DNAH12: variants seen among roughly 807,000 people sequenced by gnomAD.
DNAH12 encodes axonemal beta dynein heavy chain 12.
In DNAH12, 285 loss-of-function variants were observed where a neutral mutation model predicts 371.5. The observed-to-expected ratio is 0.77, with a 90% confidence interval of 0.70 to 0.85. The LOEUF is 0.85. Ranked by LOEUF, DNAH12 falls within the 40% of genes least tolerant of loss-of-function variation. The pLI is 0.00. For synonymous variants in DNAH12, 1,200 were observed against 1,213.0 expected (o/e 0.99, Z 0.22); for missense variants, 3,611 against 3,689.4 (o/e 0.98, Z 0.55).
intron 37 of DNAH12, among the ~76,000 whole-genome samples, chr3:57,418,368 A>C (rs1410953784): frequency 5.5e-5 from 2 of 36,078 alleles, no homozygotes; most frequent in Admixed American, 2.9e-4. Flanking sequence ...GTCTCTACAA[A>C]AAAAAAAAAA....
intron 62 of DNAH12, among the ~76,000 whole-genome samples, chr3:57,331,885 C>A (rs1175772076): frequency 6.6e-6 from 1 of 152,094 alleles, no homozygotes; most frequent in Non-Finnish European, 1.5e-5. Context: ...CATATCTGAT[C>A]AAATTCCTCA....
At chr3:57,464,508 C>G (rs949084001) in intron 17 of DNAH12, among the ~76,000 whole-genome samples, 16 of 152,192 alleles carry the variant, frequency 1.1e-4, no homozygotes, top group African/African-American at 3.6e-4. Context: ...GGTAAAGAAA[C>G]TCTAAGCAAA....
rs992019659 is a variant in DNAH12 at position 57,390,116 on chromosome 3, G to A, written c.7305+1756C>T. On this transcript the variant is annotated intron_variant, in intron 45 of 73. Coordinates refer to ENST00000495027, the MANE Select transcript of DNAH12 (RefSeq NM_001366028.2). ...CCCAAAGTGCTGGGATTACAGGCGT[G>A]AGCCACCGTGCCCAACTGAGAGCAC... 4.0e-4 allele frequency among the ~76,000 whole-genome samples: 59 copies of A among 148,860 alleles called. 1 individual carries two copies. Among genetic ancestry groups the A allele is most frequent in the African/African-American group, 1.4e-3 (56 of 41,108 alleles).
At chr3:57,517,480 CT>C in intron 4 of DNAH12, among the ~76,000 whole-genome samples, 1 of 151,312 alleles carries the variant, frequency 6.6e-6, no homozygotes, top group South Asian at 2.1e-4. Flanking sequence ...GGGTCAAGCA[CT>C]GAAATATTAG....
At chr3:57,485,407 C>CT (rs57235396) in intron 12 of DNAH12, among the ~76,000 whole-genome samples, 51 of 149,352 alleles carry the variant, frequency 3.4e-4, no homozygotes, top group African/African-American at 5.9e-4. Context: ...GGCCATTATT[C>CT]TTTTTTTTTT....
At chr3:57,497,516 G>A (rs1459099190) in intron 11 of DNAH12, among the ~76,000 whole-genome samples, 10 of 152,164 alleles carry the variant, frequency 6.6e-5, no homozygotes, top group Non-Finnish European at 1.5e-4. Context: ...ATATGATGCT[G>A]GGGCAGCTGG....
In DNAH12 at chr3:57,502,469, G is replaced by C. The variant is rs1208018150; in HGVS notation, c.1097C>G (p.Thr366Arg). 2 of 1,613,888 alleles carry C rather than the reference G, an allele frequency of 1.2e-6. No homozygotes were observed. The highest frequency in any genetic ancestry group is 1.7e-6 in the Non-Finnish European group (2 of 1,179,920). ...RIAEALQNVQ[T>R]IPSWLSGTST... ...AGTTCCTGATAGCCAAGAGGGGATT[G>C]TTTGGACATTCTAACACAAATAAAA... Residue 366 changes from threonine (T) to arginine (R), a missense_variant, in exon 10 of 74, where the codon ACA becomes AGA. Physicochemically the swap from Thr to Arg is moderately conservative, Grantham distance 71. Around this residue, in one of 3 missense-constraint regions of DNAH12, gnomAD observed 1,314 missense variants for 1,398.7 expected, o/e 0.94. Coordinates refer to ENST00000495027, the MANE Select transcript of DNAH12 (RefSeq NM_001366028.2).
At chr3:57,440,401 C>A (rs2065265349) in intron 29 of DNAH12, among the ~76,000 whole-genome samples, 1 of 152,166 alleles carries the variant, frequency 6.6e-6, no homozygotes, top group South Asian at 2.1e-4. Context: ...GGAGGCCACT[C>A]TCCTAAGCAA....
chr3:57,469,174 C>T (rs1388889673), intron 16 of DNAH12, among the ~76,000 whole-genome samples, 195 bp from the exon 17 acceptor site: 1 of 152,108 alleles, frequency 6.6e-6, no homozygotes, highest in Non-Finnish European at 1.5e-5. Flanking sequence ...GACTATGCTG[C>T]ATGTGCTAAA....
rs1276493681 is a variant in DNAH12 at position 57,421,736 on chromosome 3, G to C, written c.5374-30C>G. 2.6e-6 allele frequency: 4 copies of C among 1,550,474 alleles called. No individual in the cohort carries two copies. In the Admixed American group the frequency reaches 7.9e-5, roughly 30 times the overall value. On this transcript the variant is annotated intron_variant, in intron 35 of 73. Coordinates refer to ENST00000495027, the MANE Select transcript of DNAH12 (RefSeq NM_001366028.2). ...TGGTGGAGAAAAAATTTAACTTATA[G>C]CAATTATTTTAAAAGGCATTTTAGG...
At chr3:57,376,159 C>T (rs1371328433) in intron 53 of DNAH12, among the ~76,000 whole-genome samples, 194 bp from the exon 54 acceptor site, 4 of 151,612 alleles carry the variant, frequency 2.6e-5, no homozygotes, top group South Asian at 2.1e-4. Context: ...ATGTGAATGA[C>T]AATCTTCCTT....
At chr3:57,427,137 A>AGTGTGTGTGTGTGTGTGT (rs1559646432) in intron 34 of DNAH12, among the ~76,000 whole-genome samples, 41 of 70,572 alleles carry the variant, frequency 5.8e-4, no homozygotes, top group Middle Eastern at 7.8e-3. Flanking sequence ...GTAAGAAGCG[A>AGTGTGTGTGTGTGTGTGT]ATGTGTGTGT....
intron 60 of DNAH12, 27 bp from the exon 61 acceptor site, chr3:57,334,967 T>C: frequency 6.6e-7 from 1 of 1,525,790 alleles, no homozygotes; most frequent in Non-Finnish European, 8.8e-7. Context: ...AGGACTGTTA[T>C]ATAATTGTTG....
At chr3:57,477,973 A>T (rs908167310) in intron 13 of DNAH12, among the ~76,000 whole-genome samples, 3 of 152,204 alleles carry the variant, frequency 2.0e-5, no homozygotes, top group African/African-American at 7.2e-5. Context: ...AAAGATGGGG[A>T]AAAAACAGAG....
At chr3:57,498,282 T>C (rs975940966) in intron 11 of DNAH12, 3 of 548,124 alleles carry the variant, frequency 5.5e-6, no homozygotes, top group Admixed American at 3.1e-5. Context: ...GCTGGTGAGA[T>C]TGTAAATGGT....
At chr3:57,535,600 T>C (rs2069006455) in intron 2 of DNAH12, among the ~76,000 whole-genome samples, 1 of 152,220 alleles carries the variant, frequency 6.6e-6, no homozygotes. Context: ...TGGAGTGCAA[T>C]GGCATGATCT....
chr3:57,434,511 T>G (rs1442116956), intron 30 of DNAH12, among the ~76,000 whole-genome samples: 1 of 152,122 alleles, frequency 6.6e-6, no homozygotes, highest in African/African-American at 2.4e-5. Flanking sequence ...ATTTGGGTGT[T>G]GACAGTTCTT....
chr3:57,446,772 C>T, intron 25 of DNAH12, 83 bp from the exon 26 acceptor site: 2 of 1,298,442 alleles, frequency 1.5e-6, no homozygotes, highest in African/African-American at 3.0e-5. Flanking sequence ...ATGGATTTAG[C>T]CTGTTCTGTA....
At chr3:57,535,994 G>A (rs1017501480) in intron 2 of DNAH12, among the ~76,000 whole-genome samples, 52 of 151,844 alleles carry the variant, frequency 3.4e-4, no homozygotes, top group African/African-American at 1.2e-3. Flanking sequence ...CCGCCACCAT[G>A]CTTGGCTAAT....
Sources: allele counts gnomAD v4.1 joint callset (sites outside exome capture counted in the v4.1 genomes callset), GRCh38; gene constraint gnomAD v4.1.1; regional missense constraint gnomAD v4.1.1; transcripts MANE v1.5; gene names NCBI Gene and HGNC (gene_info 2026-07-23, HGNC 2026-07-21).